SPAST: variants seen among roughly 807,000 people sequenced by gnomAD.
SPAST encodes the protein spastic paraplegia 4 (autosomal dominant; spastin).
Under a neutral mutation model 76.6 loss-of-function variants are expected in SPAST, and 30 were observed. The ratio of observed to expected loss-of-function variants is 0.39; its 90% confidence interval spans 0.29 to 0.53. The LOEUF (loss-of-function observed/expected upper bound fraction) is 0.53. Among genes scored for constraint, SPAST ranks in the 20% least tolerant of loss-of-function variants. The pLI, the probability that SPAST is intolerant of heterozygous loss-of-function variation, is 0.68. For synonymous variants in SPAST, 305 were observed against 281.0 expected (o/e 1.09, Z -0.86); for missense variants, 717 against 770.5 (o/e 0.93, Z 0.82).
chr2:32,118,531 T>C (rs932035929), intron 7 of SPAST, among the ~76,000 whole-genome samples: 11 of 152,174 alleles, frequency 7.2e-5, no homozygotes, highest in African/African-American at 2.2e-4. Context: ...GCTGGAGTTA[T>C]ATAAGATTAG....
At chr2:32,078,449 T>C (rs1162024602) in intron 1 of SPAST, among the ~76,000 whole-genome samples, 1 of 152,186 alleles carries the variant, frequency 6.6e-6, no homozygotes, top group Non-Finnish European at 1.5e-5. Context: ...GTGCTGGGAT[T>C]ACAGGTGTGA....
At chr2:32,102,682 G>C (rs1428415751) in intron 4 of SPAST, among the ~76,000 whole-genome samples, 2 of 152,232 alleles carry the variant, frequency 1.3e-5, no homozygotes, top group South Asian at 2.1e-4. Context: ...AGCATGAAGG[G>C]CTGTTGAATT....
intron 14 of SPAST, among the ~76,000 whole-genome samples, chr2:32,143,787 C>G (rs904596584): frequency 6.6e-6 from 1 of 151,946 alleles, no homozygotes; most frequent in Non-Finnish European, 1.5e-5. Flanking sequence ...ACCTGTAGTC[C>G]CAGCTACTTG....
chr2:32,079,290 A>C (rs1046873160), intron 1 of SPAST, among the ~76,000 whole-genome samples: 1 of 151,862 alleles, frequency 6.6e-6, no homozygotes, highest in Non-Finnish European at 1.5e-5. Flanking sequence ...GCTAAGTGGG[A>C]GTATCACTTG....
intron 4 of SPAST, among the ~76,000 whole-genome samples, chr2:32,105,271 C>T (rs1017723416): frequency 1.7e-4 from 26 of 152,084 alleles, no homozygotes; most frequent in Non-Finnish European, 5.9e-5. Flanking sequence ...GCATGCATCA[C>T]GTAGTTTTCG....
chr2:32,070,372 C>T (rs556411924), intron 1 of SPAST, among the ~76,000 whole-genome samples: 2 of 152,186 alleles, frequency 1.3e-5, no homozygotes, highest in Admixed American at 6.6e-5. Context: ...CCAACCCATA[C>T]TCAAATTTGA....
In SPAST at chr2:32,063,875, G is replaced by A. The variant is rs1330833579; in HGVS notation, c.44G>A (p.Gly15Asp). Residue 15 changes from glycine to aspartate, a missense_variant, in exon 1 of 17, where the codon GGC (glycine) becomes GAC (aspartate). Coordinates refer to ENST00000315285, the MANE Select transcript of SPAST (RefSeq NM_014946.4). ...CGAGGGAAGAAGAAAGGCTCCGGCG[G>A]CGCCAGCAACCCGGTGCCTCCCAGG... Reference protein sequence around the residue: ...GGRGKKKGSGGASNPVPPRPP... With the variant: ...GGRGKKKGSGDASNPVPPRPP... 1 of 1,585,446 alleles carries A rather than the reference G, an allele frequency of 6.3e-7. No individual in the cohort carries two copies. The highest frequency in any genetic ancestry group is 8.5e-7 in the Non-Finnish European group (1 of 1,169,994).
At chr2:32,099,702 A>C (rs1318544810) in intron 4 of SPAST, among the ~76,000 whole-genome samples, 3 of 152,072 alleles carry the variant, frequency 2.0e-5, no homozygotes, top group East Asian at 3.9e-4. Flanking sequence ...ATTTGAAATG[A>C]TATAATATAT....
At chr2:32,080,689 G>T (rs1276118808) in intron 1 of SPAST, among the ~76,000 whole-genome samples, 2 of 150,058 alleles carry the variant, frequency 1.3e-5, no homozygotes, top group East Asian at 2.0e-4. Flanking sequence ...AGGATAATCA[G>T]TGTAAGTTAT....
At chr2:32,116,238 C>A in intron 7 of SPAST, 26 bp downstream of exon 7, 1 of 1,409,122 alleles carries the variant, frequency 7.1e-7, no homozygotes, top group South Asian at 1.2e-5. Flanking sequence ...TATCATTTTT[C>A]TATAATACCA....
chr2:32,095,825 A>G (rs1677894421), intron 3 of SPAST, among the ~76,000 whole-genome samples: 1 of 152,178 alleles, frequency 6.6e-6, no homozygotes, highest in Non-Finnish European at 1.5e-5. Context: ...CAAGAAAAGC[A>G]TGGTGAGTAG....
intron 4 of SPAST, among the ~76,000 whole-genome samples, chr2:32,113,132 A>T (rs967189748): frequency 2.1e-4 from 32 of 151,166 alleles, no homozygotes; most frequent in East Asian, 1.9e-3. Flanking sequence ...GATTATTATT[A>T]TTATTTTTTT....
chr2:32,134,288 G>A (rs954813401), intron 9 of SPAST, among the ~76,000 whole-genome samples: 6 of 152,068 alleles, frequency 3.9e-5, no homozygotes, highest in Admixed American at 2.0e-4. Context: ...GAATCACAAG[G>A]TCAGGAGTTC....
At chr2:32,074,799 A>G (rs140731500) in intron 1 of SPAST, among the ~76,000 whole-genome samples, 77 of 152,134 alleles carry the variant, frequency 5.1e-4, no homozygotes, top group African/African-American at 1.7e-3. Context: ...GAGTCACTGC[A>G]CCTGGCCTGT....
intron 9 of SPAST, chr2:32,128,860 C>G (rs1679282484): frequency 3.6e-6 from 1 of 278,704 alleles, no homozygotes; most frequent in Non-Finnish European, 7.0e-6. Flanking sequence ...GGCTTGCTGG[C>G]AATCTTTTGT....
rs70938323 is a variant in SPAST at position 32,126,469 on chromosome 2, C to CTTTTTTTT, written c.1099-457_1099-450dup. On this transcript the variant is annotated intron_variant, in intron 7 of 16. Transcript: ENST00000315285. ...TACCACCGAGGAGTTGGTTTTATTT[C>CTTTTTTTT]TTTTTTTTTTTTTTTTTTTTTTTTT... The CTTTTTTTT allele has an allele frequency of 7.2e-4, 28 of 38,706 alleles. 2 individuals carry two copies. Among genetic ancestry groups the CTTTTTTTT allele is most frequent in the East Asian group, 1.7e-3 (2 of 1,200 alleles). The allele number at this position is 38,706 out of a possible 1,614,324, so 2.4% of individuals were successfully genotyped here. A position where few individuals can be genotyped will look rare whatever the true frequency, so the allele number is the denominator to read the frequency against.
At chr2:32,110,500 GTATATATAGTATATATA>G (rs1472727518) in intron 4 of SPAST, among the ~76,000 whole-genome samples, 10 of 53,108 alleles carry the variant, frequency 1.9e-4, no homozygotes, top group South Asian at 8.4e-4. Context: ...TATATATATA[GTATATATAGTATATATA>G]TACTATATAG....
chr2:32,091,098 C>T (rs1677695729), intron 3 of SPAST, among the ~76,000 whole-genome samples: 3 of 151,834 alleles, frequency 2.0e-5, no homozygotes, highest in Non-Finnish European at 4.4e-5. Flanking sequence ...ACAAAACCTA[C>T]TACATATGAG....
Position 32,154,403 on chromosome 2 carries a change from T to C in SPAST, c.1758T>C (p.Thr586=), listed in dbSNP as rs1419965276. The part of the protein sequence containing the change: ...EMRNIRLSDF[T]ESLKKIKRSV... ...GAAATATTCGATTATCTGACTTCACTGAATCCTTGAAAAAAATAAAACGCA... is the reference window on the plus strand; with the variant it reads ...GAAATATTCGATTATCTGACTTCACCGAATCCTTGAAAAAAATAAAACGCA... The change falls in exon 17 of 17, where the codon ACT becomes ACC. Residue 586 remains threonine (T), a synonymous_variant. Transcript: ENST00000315285. 5.6e-6 allele frequency: 9 copies of C among 1,613,016 alleles called. No individual in the cohort carries two copies. Among genetic ancestry groups the C allele is most frequent in the Non-Finnish European group, 7.6e-6 (9 of 1,179,024 alleles).
Sources: allele counts gnomAD v4.1 joint callset (sites outside exome capture counted in the v4.1 genomes callset), GRCh38; gene constraint gnomAD v4.1.1; transcripts MANE v1.5; gene names NCBI Gene and HGNC (gene_info 2026-07-23, HGNC 2026-07-21).